The following FAM210A variants were observed in gnomAD, a reference collection of about 807,000 sequenced individuals.
The protein encoded by FAM210A is mitochondrial inner membrane scaffold 1.
A neutral mutation model predicts 25.3 loss-of-function variants in FAM210A; 13 were observed. The observed-to-expected ratio is 0.51, with a 90% confidence interval of 0.33 to 0.82. The LOEUF (loss-of-function observed/expected upper bound fraction) is 0.82, where lower values mean the gene tolerates loss of function less well. Among genes scored for constraint, FAM210A ranks in the 40% least tolerant of loss-of-function variants. The probability of loss-of-function intolerance (pLI) is 0.02; values close to 1 mark genes in which losing one functional copy is unlikely to be tolerated. For synonymous variants in FAM210A, 125 were observed against 118.7 expected (o/e 1.05, Z -0.35); for missense variants, 319 against 323.2 (o/e 0.99, Z 0.10).
intron 1 of FAM210A, among the ~76,000 whole-genome samples, chr18:13,699,326 A>T (rs2043720274): frequency 6.6e-6 from 1 of 152,226 alleles, no homozygotes; most frequent in Admixed American, 6.5e-5. Context: ...TTTGAACCAC[A>T]TAAACAAGCT....
chr18:13,704,651 G>C (rs149244371), intron 1 of FAM210A, among the ~76,000 whole-genome samples: 1 of 152,206 alleles, frequency 6.6e-6, no homozygotes, highest in East Asian at 1.9e-4. Flanking sequence ...GTAAGCACAG[G>C]ATTATTTGAC....
At chr18:13,679,277 T>C (rs534090576) in intron 2 of FAM210A, among the ~76,000 whole-genome samples, 1 of 152,336 alleles carries the variant, frequency 6.6e-6, no homozygotes, top group South Asian at 2.1e-4. Context: ...TAATAGTAAG[T>C]AGGCAACAAG....
intron 1 of FAM210A, among the ~76,000 whole-genome samples, chr18:13,703,376 G>C (rs1426379899): frequency 2.0e-5 from 3 of 152,180 alleles, no homozygotes; most frequent in Admixed American, 6.5e-5. Flanking sequence ...CTCCTATAGG[G>C]GGTGGGCTAA....
chr18:13,676,848 T>A (rs1414472265), intron 2 of FAM210A, among the ~76,000 whole-genome samples: 2 of 152,162 alleles, frequency 1.3e-5, no homozygotes, highest in African/African-American at 4.8e-5. Flanking sequence ...GTTAAGTACT[T>A]TCGCACAGGA....
chr18:13,680,062 T>C (rs1442964247), intron 2 of FAM210A, among the ~76,000 whole-genome samples: 1 of 152,232 alleles, frequency 6.6e-6, no homozygotes, highest in Non-Finnish European at 1.5e-5. Flanking sequence ...TGCCTTATCA[T>C]ACATGGGCAA....
intron 1 of FAM210A, among the ~76,000 whole-genome samples, chr18:13,717,138 G>C (rs1321933701): frequency 1.3e-5 from 2 of 152,084 alleles, no homozygotes; most frequent in Non-Finnish European, 2.9e-5. Flanking sequence ...TCCTCTTAAG[G>C]CTCTCCAGAA....
intron 1 of FAM210A, among the ~76,000 whole-genome samples, chr18:13,682,712 T>G (rs1162598645): frequency 2.0e-5 from 3 of 151,936 alleles, no homozygotes; most frequent in Non-Finnish European, 2.9e-5. Flanking sequence ...CTACTAAAAA[T>G]ACAAAAATTA....
intron 1 of FAM210A, among the ~76,000 whole-genome samples, chr18:13,682,374 C>A (rs954214136): frequency 6.6e-6 from 1 of 152,206 alleles, no homozygotes; most frequent in Non-Finnish European, 1.5e-5. Flanking sequence ...CCGAGACCAG[C>A]CTGGCCAACA....
Position 13,666,421 on chromosome 18 carries a change from G to C in FAM210A, c.*59C>G. ...AAAATAATCAGACACATGTATCTTT[G>C]CCCATAGTTTCCAAAGGGTTAAAGT... On this transcript the variant is annotated 3_prime_UTR_variant, in exon 4 of 4. Coordinates refer to ENST00000651643, the MANE Select transcript of FAM210A (RefSeq NM_152352.4). 1 of 1,343,974 alleles carries C rather than the reference G, an allele frequency of 7.4e-7. No individual in the cohort carries two copies. Among genetic ancestry groups the C allele is most frequent in the Non-Finnish European group, 1.0e-6 (1 of 960,748 alleles). The allele number at this position is 1,343,974 out of a possible 1,614,324, so 83.3% of individuals were successfully genotyped here.
At chr18:13,694,396 T>C (rs1315324347) in intron 1 of FAM210A, among the ~76,000 whole-genome samples, 6 of 152,202 alleles carry the variant, frequency 3.9e-5, no homozygotes, top group Admixed American at 3.3e-4. Context: ...CAAAAAAGAG[T>C]CCGCATTGCT....
intron 1 of FAM210A, 97 bp from the exon 2 acceptor site, chr18:13,682,202 AAGAC>A: frequency 2.5e-6 from 2 of 801,248 alleles, no homozygotes; most frequent in Non-Finnish European, 3.9e-6. Flanking sequence ...AGGAAGTAAA[AAGAC>A]AGACACTGCT....
intron 1 of FAM210A, among the ~76,000 whole-genome samples, chr18:13,714,145 TATA>T (rs1321904239): frequency 6.6e-6 from 1 of 152,202 alleles, no homozygotes; most frequent in Non-Finnish European, 1.5e-5. Flanking sequence ...AACAAATTAG[TATA>T]ATATGTGTTT....
At chr18:13,680,108 C>G (rs900290871) in intron 2 of FAM210A, among the ~76,000 whole-genome samples, 6 of 152,188 alleles carry the variant, frequency 3.9e-5, no homozygotes, top group African/African-American at 1.4e-4. Flanking sequence ...ATGTATTTTT[C>G]ATGTCATCTT....
chr18:13,723,621 G>T (rs1215489795), intron 1 of FAM210A, among the ~76,000 whole-genome samples: 2 of 151,990 alleles, frequency 1.3e-5, no homozygotes, highest in East Asian at 3.9e-4. Context: ...CATTATTTAG[G>T]GTAATATCCT....
At chr18:13,669,960 G>C (rs2043428800) in intron 3 of FAM210A, among the ~76,000 whole-genome samples, 1 of 152,152 alleles carries the variant, frequency 6.6e-6, no homozygotes, top group Non-Finnish European at 1.5e-5. Context: ...ATAATACAAA[G>C]GAGAATCCCC....
intron 1 of FAM210A, among the ~76,000 whole-genome samples, chr18:13,682,385 T>C (rs1165611127): frequency 6.6e-6 from 1 of 152,128 alleles, no homozygotes; most frequent in Non-Finnish European, 1.5e-5. Context: ...CTGGCCAACA[T>C]GGCAAAACCC....
chr18:13,677,452 G>A (rs895800833), intron 2 of FAM210A, among the ~76,000 whole-genome samples: 2 of 152,218 alleles, frequency 1.3e-5, no homozygotes, highest in African/African-American at 4.8e-5. Context: ...CAGGGGGTAC[G>A]TGACTGGGGG....
intron 1 of FAM210A, among the ~76,000 whole-genome samples, chr18:13,702,442 G>A (rs535833933): frequency 2.0e-5 from 3 of 152,270 alleles, no homozygotes; most frequent in East Asian, 3.9e-4. Context: ...GGTCAGTAAC[G>A]AACTTTGCTG....
Position 13,717,857 on chromosome 18 carries a change from G to A in FAM210A, c.-29+8472C>T, listed in dbSNP as rs1601970650. ...GGAAAGGACTTCATCTTAGCAGACT[G>A]GAGACAGAGTTTTCTGCTGGCCTCA... On this transcript the variant is annotated intron_variant, in intron 1 of 3. Transcript: ENST00000651643. 3.9e-5 allele frequency among the ~76,000 whole-genome samples: 6 copies of A among 152,276 alleles called. No individual in the cohort carries two copies. The South Asian group carries it at 6.2e-4, about 16-fold the overall frequency.
Sources: allele counts gnomAD v4.1 joint callset (sites outside exome capture counted in the v4.1 genomes callset), GRCh38; gene constraint gnomAD v4.1.1; transcripts MANE v1.5; gene names NCBI Gene and HGNC (gene_info 2026-07-23, HGNC 2026-07-21).